Variants in BAIAP2L1 observed in about 807,000 individuals in gnomAD.
The protein encoded by BAIAP2L1 is BAR/IMD domain containing adaptor protein 2 like 1.
In BAIAP2L1, 35 loss-of-function variants were observed where a neutral mutation model predicts 66.3. The observed-to-expected ratio is 0.53, with a 90% confidence interval of 0.40 to 0.70. The LOEUF is 0.70. BAIAP2L1 is among the 30% of genes least tolerant of loss of function. BAIAP2L1 has a pLI of 0.00. For synonymous variants in BAIAP2L1, 269 were observed against 248.7 expected, an observed-to-expected ratio of 1.08 and a Z score of -0.77; for missense variants, 622 against 656.9, an observed-to-expected ratio of 0.95 and a Z score of 0.58.
chr7:98,353,314 C>A, intron 3 of BAIAP2L1, among the ~76,000 whole-genome samples: 1 of 141,946 alleles, frequency 7.0e-6, no homozygotes, highest in Admixed American at 7.6e-5. Flanking sequence ...CACAGAGAGA[C>A]CCCCTAAAAT....
At chr7:98,339,108 T>A (rs1384185500) in intron 3 of BAIAP2L1, among the ~76,000 whole-genome samples, 1 of 150,982 alleles carries the variant, frequency 6.6e-6, no homozygotes, top group African/African-American at 2.4e-5. Context: ...TGTGTGGGCA[T>A]ATGTTTCATT....
At chr7:98,308,307 G>A (rs971830451) in intron 9 of BAIAP2L1, 2 of 461,162 alleles carry the variant, frequency 4.3e-6, no homozygotes, top group African/African-American at 2.0e-5. Context: ...AACTGCCAAT[G>A]TCCACAAAGA....
intron 1 of BAIAP2L1, among the ~76,000 whole-genome samples, chr7:98,388,875 G>A (rs968287684): frequency 1.3e-5 from 2 of 151,562 alleles, no homozygotes; most frequent in African/African-American, 4.8e-5. Flanking sequence ...TTGGGAGGCT[G>A]AGGCAGGAGG....
At chr7:98,393,496 CTATT>C (rs760893074) in intron 1 of BAIAP2L1, among the ~76,000 whole-genome samples, 37 of 151,742 alleles carry the variant, frequency 2.4e-4, no homozygotes, top group South Asian at 4.2e-4. Context: ...TGTAACTTTT[CTATT>C]TATTTATTTT....
rs947002195 is a variant in BAIAP2L1, at chr7:98,312,187, G to T, written c.717C>A (p.Ile239=). Residue 239 remains isoleucine, a synonymous_variant, in exon 8 of 14, where the codon ATC becomes ATA. Coordinates refer to ENST00000005260, the MANE Select transcript of BAIAP2L1 (RefSeq NM_018842.5). ...CVDAIKVPEK[I]MNMIEEIKTP... is the part of the protein sequence containing the mutation. ...TCTTTATTTCTTCGATCATATTCAT[G>T]ATTTTCTCTGGCACTTTGATGGCAT... The T allele has an allele frequency of 6.2e-7, 1 of 1,614,130 alleles. No individual in the cohort carries two copies. Among genetic ancestry groups the T allele is most frequent in the East Asian group, 2.2e-5 (1 of 44,868 alleles).
intron 12 of BAIAP2L1, among the ~76,000 whole-genome samples, chr7:98,301,475 GTA>G (rs60741017): frequency 2.5e-4 from 35 of 142,218 alleles, no homozygotes; most frequent in South Asian, 6.5e-4. Flanking sequence ...TTTTTTTTTG[GTA>G]TATATATATA....
At chr7:98,380,234 C>CA (rs1340770523) in intron 1 of BAIAP2L1, among the ~76,000 whole-genome samples, 1 of 152,056 alleles carries the variant, frequency 6.6e-6, no homozygotes, top group East Asian at 1.9e-4. Flanking sequence ...CGCACCAACA[C>CA]ACCCACCTAA....
chr7:98,378,658 C>G (rs1365647228), intron 1 of BAIAP2L1, among the ~76,000 whole-genome samples: 1 of 151,616 alleles, frequency 6.6e-6, no homozygotes, highest in Non-Finnish European at 1.5e-5. Context: ...TTTTTTTAGA[C>G]TAAGTCTTGC....
chr7:98,331,519 A>G (rs1584462372), intron 3 of BAIAP2L1, among the ~76,000 whole-genome samples: 1 of 125,674 alleles, frequency 8.0e-6, no homozygotes, highest in Non-Finnish European at 1.6e-5. Context: ...TCCAGGCTGG[A>G]GTGCAATGGC....
chr7:98,368,929 G>A (rs1006623939), intron 1 of BAIAP2L1, among the ~76,000 whole-genome samples: 7 of 151,738 alleles, frequency 4.6e-5, no homozygotes, highest in Admixed American at 1.3e-4. Context: ...TGCTATGAGC[G>A]ATCGCATACA....
chr7:98,362,300 T>C, intron 2 of BAIAP2L1, 57 bp downstream of exon 2: 4 of 1,332,106 alleles, frequency 3.0e-6, no homozygotes. Flanking sequence ...CATTTAAAAA[T>C]AATTACATAT....
chr7:98,399,528 AT>A (rs1803298976), intron 1 of BAIAP2L1, among the ~76,000 whole-genome samples: 1 of 152,232 alleles, frequency 6.6e-6, no homozygotes, highest in Admixed American at 6.5e-5. Flanking sequence ...CAGAAAAAAG[AT>A]AAAACACACC....
At chr7:98,314,754 C>A (rs1801010059) in intron 7 of BAIAP2L1, among the ~76,000 whole-genome samples, 1 of 152,116 alleles carries the variant, frequency 6.6e-6, no homozygotes, top group African/African-American at 2.4e-5. Context: ...ATGAAGGGAG[C>A]ATCTCAAATC....
At chr7:98,316,894 C>CAGA (rs1194680905) in intron 6 of BAIAP2L1, among the ~76,000 whole-genome samples, 1 of 150,904 alleles carries the variant, frequency 6.6e-6, no homozygotes, top group Non-Finnish European at 1.5e-5. Flanking sequence ...GATGGAGTCT[C>CAGA]ATTCTGTCAC....
chr7:98,308,191 A>T, intron 9 of BAIAP2L1: 1 of 565,904 alleles, frequency 1.8e-6, no homozygotes, highest in Non-Finnish European at 3.4e-6. Context: ...GTTGATCTGC[A>T]CTGCTTTAGC....
intron 1 of BAIAP2L1, among the ~76,000 whole-genome samples, chr7:98,399,766 T>A (rs1308117298): frequency 6.6e-6 from 1 of 152,246 alleles, no homozygotes; most frequent in Non-Finnish European, 1.5e-5. Context: ...TGTCTGTGTC[T>A]GGAAAAATTC....
At chr7:98,368,082 C>T (rs2115749365) in intron 1 of BAIAP2L1, among the ~76,000 whole-genome samples, 1 of 152,240 alleles carries the variant, frequency 6.6e-6, no homozygotes, top group East Asian at 1.9e-4. Flanking sequence ...TCTGGCAATT[C>T]CTGAGCTCAA....
At chr7:98,359,069 C>T (rs958872104) in intron 2 of BAIAP2L1, among the ~76,000 whole-genome samples, 2 of 152,208 alleles carry the variant, frequency 1.3e-5, no homozygotes, top group Non-Finnish European at 2.9e-5. Flanking sequence ...TGCAGGGCTG[C>T]ATCCAGCCCA....
intron 9 of BAIAP2L1, chr7:98,308,893 G>C (rs1224620826): frequency 6.6e-6 from 1 of 152,326 alleles, no homozygotes; most frequent in Non-Finnish European, 1.5e-5. Flanking sequence ...TGCCCAGCCT[G>C]GTCTTGACCT....
Sources: allele counts gnomAD v4.1 joint callset (sites outside exome capture counted in the v4.1 genomes callset), GRCh38; gene constraint gnomAD v4.1.1; transcripts MANE v1.5; gene names NCBI Gene and HGNC (gene_info 2026-07-23, HGNC 2026-07-21).